The following RFX2 variants were observed in gnomAD, a reference collection of about 807,000 sequenced individuals.
RFX2 encodes the protein regulatory factor X2.
Under a neutral mutation model 87.8 loss-of-function variants are expected in RFX2, and 20 were observed. That is an observed-to-expected ratio of 0.23 (90% CI 0.16 to 0.33). RFX2 has a LOEUF of 0.33. Among genes scored for constraint, RFX2 ranks in the 10% least tolerant of loss-of-function variants. The pLI, the probability that RFX2 is intolerant of heterozygous loss-of-function variation, is 1.00. For missense variants in RFX2, 767 were observed against 1,012.3 expected, an observed-to-expected ratio of 0.76 and a Z score of 3.29; for synonymous variants, 397 against 431.3, an observed-to-expected ratio of 0.92 and a Z score of 0.98.
chr19:5,995,707 G>C, intron 16 of RFX2, 64 bp from the exon 17 acceptor site: 2 of 1,427,198 alleles, frequency 1.4e-6, no homozygotes, highest in Non-Finnish European at 1.9e-6. Flanking sequence ...TTGGGGGCTC[G>C]GGGGATGCCG....
rs2087481233 is a variant in RFX2, at chr19:6,064,382, C to T, written c.-8-16878G>A. On this transcript the variant is annotated intron_variant, in intron 1 of 17. Transcript: ENST00000303657. The surrounding 1 kb of genome is among the most constrained non-coding windows in gnomAD (Gnocchi z 4.8). ...TCTGACCATGAGCAGGGCTGCAGTG[C>T]AGCTGCTGATGGTCAAGATGAAGAT... Among the ~76,000 whole-genome samples, 1 of 152,358 alleles carries T rather than the reference C, an allele frequency of 6.6e-6. No homozygotes were observed. The highest frequency in any genetic ancestry group is 1.5e-5 in the Non-Finnish European group (1 of 68,038).
chr19:6,108,288 T>A (rs770894476), intron 1 of RFX2, among the ~76,000 whole-genome samples: 7 of 152,164 alleles, frequency 4.6e-5, no homozygotes, highest in Non-Finnish European at 7.3e-5. Flanking sequence ...GTAGGTGAGT[T>A]GTCGTTTCTA....
At chr19:6,065,619 A>G (rs549973793) in intron 1 of RFX2, among the ~76,000 whole-genome samples, 3 of 152,200 alleles carry the variant, frequency 2.0e-5, no homozygotes, top group Non-Finnish European at 4.4e-5. Flanking sequence ...GTCTCCAAAA[A>G]AAACACAAAT....
In RFX2 at chr19:6,020,671, C is replaced by T. The variant is rs1367248794; in HGVS notation, c.598-4400G>A. ...AGGGTCCAGCCGCTCCAACCACACT[C>T]GCCCACCTCCCCTGCTCTTGAGGGC... On this transcript the variant is annotated intron_variant, in intron 6 of 17. Transcript: ENST00000303657. The surrounding 1 kb of genome is among the most constrained non-coding windows in gnomAD (Gnocchi z 5.3). Among the ~76,000 whole-genome samples, 2 of 152,256 alleles carry T rather than the reference C, an allele frequency of 1.3e-5. No homozygotes were observed. Among genetic ancestry groups the T allele is most frequent in the Non-Finnish European group, 1.5e-5 (1 of 68,046 alleles).
chr19:6,072,744 CA>C (rs892462578), intron 1 of RFX2: 13 of 524,068 alleles, frequency 2.5e-5, no homozygotes, highest in Non-Finnish European at 4.5e-5. Flanking sequence ...AAGGACATAA[CA>C]AAGAAAAAAG....
Position 6,024,774 on chromosome 19 carries a change from GGTGAGGACGGGA to G in RFX2, c.597+1377_597+1388del, listed in dbSNP as rs1435607265. 2.8e-5 allele frequency among the ~76,000 whole-genome samples: 4 copies of G among 141,906 alleles called. No homozygotes were observed. The highest frequency in any genetic ancestry group is 6.9e-5 in the Admixed American group (1 of 14,438). The allele number at this position is 141,906 out of a possible 152,430, so 93.1% of individuals were successfully genotyped here. A position where few individuals can be genotyped will look rare whatever the true frequency, so the allele number is the denominator to read the frequency against. On this transcript the variant is annotated intron_variant, in intron 6 of 17. Transcript: ENST00000303657. This position sits in a 1 kb window ranked among gnomAD's most constrained non-coding sequence, Gnocchi z 5.0. The stretch of plus-strand genomic sequence containing the variant: ...AGGACGGGAGTGAGGACGGGATCAC[GGTGAGGACGGGA>G]GTGAGGACGGGATCACGGTGAGGAC...
At chr19:6,035,990 CT>C (rs2087018163) in intron 5 of RFX2, among the ~76,000 whole-genome samples, 1 of 152,046 alleles carries the variant, frequency 6.6e-6, no homozygotes, top group Admixed American at 6.6e-5. Flanking sequence ...GGCCCAGGGT[CT>C]GAGCAGTATG....
Position 6,040,607 on chromosome 19 carries a change from G to T in RFX2, c.261-366C>A, listed in dbSNP as rs1277162246. Reference sequence around the variant, plus strand: ...AGAACCATCTCTACAAAAAATAAAAGATTTAGCCAGGTGTGGTGGTGCGTG... The same window carrying T: ...AGAACCATCTCTACAAAAAATAAAATATTTAGCCAGGTGTGGTGGTGCGTG... On this transcript the variant is annotated intron_variant, in intron 4 of 17. Coordinates refer to ENST00000303657, the MANE Select transcript of RFX2 (RefSeq NM_000635.4). The surrounding 1 kb of genome is among the most constrained non-coding windows in gnomAD (Gnocchi z 6.1). 1.3e-5 allele frequency among the ~76,000 whole-genome samples: 2 copies of T among 151,988 alleles called. No individual in the cohort carries two copies. Among genetic ancestry groups the T allele is most frequent in the African/African-American group, 4.8e-5 (2 of 41,390 alleles).
In RFX2 at chr19:6,011,095, G is replaced by A. The variant is rs577092623; in HGVS notation, c.900-844C>T. 7.2e-5 allele frequency among the ~76,000 whole-genome samples: 11 copies of A among 151,760 alleles called. No individual in the cohort carries two copies. The highest frequency in any genetic ancestry group is 2.4e-4 in the African/African-American group (10 of 41,216). ...CACGCCATTGCACTCCAGCCTGGGCGACAAAAGCGAAACTCGGTCTCAAAA... is the reference window on the plus strand; with the variant it reads ...CACGCCATTGCACTCCAGCCTGGGCAACAAAAGCGAAACTCGGTCTCAAAA... On this transcript the variant is annotated intron_variant, in intron 8 of 17. Transcript: ENST00000303657. This position sits in a 1 kb window ranked among gnomAD's most constrained non-coding sequence, Gnocchi z 4.8.
chr19:6,070,095 T>TGTGGATG, intron 1 of RFX2, among the ~76,000 whole-genome samples: 1 of 1,676 alleles, frequency 6.0e-4, no homozygotes, highest in African/African-American at 3.0e-3. Flanking sequence ...GGATGGGATG[T>TGTGGATG]GGATGGGATG....
rs888330188 is a variant in RFX2 at position 6,047,227 on chromosome 19, T to C, written c.90+180A>G. On this transcript the variant is annotated intron_variant, in intron 2 of 17. Coordinates refer to ENST00000303657, the MANE Select transcript of RFX2 (RefSeq NM_000635.4). This position sits in a 1 kb window ranked among gnomAD's most constrained non-coding sequence, Gnocchi z 4.2. ...CTTGATGGGATCTTTTTAACAAATA[T>C]TGAAAAAGCCAAATACAGTTAAGGA... is the stretch of plus-strand genomic sequence containing the variant. Among the ~76,000 whole-genome samples, 5 of 152,242 alleles carry C rather than the reference T, an allele frequency of 3.3e-5. No homozygotes were observed. Among genetic ancestry groups the C allele is most frequent in the East Asian group, 1.9e-4 (1 of 5,200 alleles).
chr19:6,007,955 T>C lies in RFX2; in HGVS notation c.1134+151A>G, dbSNP rs1413561562. ...AGAGGAGAGGAGCAGGCGATGGACA[T>C]GGATGCGGAGGGGCTGCTGCTTCAG... On this transcript the variant is annotated intron_variant, in intron 10 of 17. Coordinates refer to ENST00000303657, the MANE Select transcript of RFX2 (RefSeq NM_000635.4). The surrounding 1 kb of genome is among the most constrained non-coding windows in gnomAD (Gnocchi z 8.2). The C allele has an allele frequency of 1.3e-6, 1 of 783,544 alleles. No homozygotes were observed. The highest frequency in any genetic ancestry group is 2.7e-5 in the East Asian group (1 of 37,250). The allele number at this position is 783,544 out of a possible 1,614,324, so 48.5% of individuals were successfully genotyped here.
chr19:5,996,352 C>T (rs997032632), intron 16 of RFX2, among the ~76,000 whole-genome samples: 2 of 152,262 alleles, frequency 1.3e-5, no homozygotes, highest in Non-Finnish European at 2.9e-5. Flanking sequence ...CAGCACAGCG[C>T]GGCCAGCCAC....
rs1436352317 is a variant in RFX2, at chr19:6,030,429, A to G, written c.523-4192T>C. Among the ~76,000 whole-genome samples the G allele has an allele frequency of 2.6e-5, 4 of 152,378 alleles. No individual in the cohort carries two copies. The East Asian group carries it at 7.7e-4, about 29-fold the overall frequency. ...AAACAAAATGTGGTCCATCCATACA[A>G]TGGAATAATTTAGCCACACACAAAA... On this transcript the variant is annotated intron_variant, in intron 5 of 17. Coordinates refer to ENST00000303657, the MANE Select transcript of RFX2 (RefSeq NM_000635.4).
intron 1 of RFX2, among the ~76,000 whole-genome samples, chr19:6,104,680 T>C (rs73543057): frequency 0.099 from 15,001 of 152,128 alleles, 2,479 homozygotes; most frequent in African/African-American, 0.34. Flanking sequence ...TAGCTGAGAT[T>C]GCAGGTGTGA....
At chr19:6,068,627 G>A (rs968643696) in intron 1 of RFX2, among the ~76,000 whole-genome samples, 10 of 152,218 alleles carry the variant, frequency 6.6e-5, no homozygotes, top group East Asian at 3.8e-4. Flanking sequence ...GGGGAAGAGC[G>A]TTCCTAATGG....
At position 6,007,865 on chromosome 19, in the gene RFX2, C is replaced by T. The variant is rs902058304; in HGVS notation, c.1135-63G>A. The T allele has an allele frequency of 3.2e-5, 37 of 1,169,520 alleles. No individual in the cohort carries two copies. The Admixed American group carries it at 5.4e-4, about 17-fold the overall frequency. 72.4% of individuals were successfully genotyped at this position (1,169,520 alleles called of 1,614,324 possible). ...GCGCCCATCACGTGCACTCAGCACA[C>T]GTCAAGTGAGCAGCCGTGATCCGGG... On this transcript the variant is annotated intron_variant, in intron 10 of 17. Coordinates refer to ENST00000303657, the MANE Select transcript of RFX2 (RefSeq NM_000635.4). This position sits in a 1 kb window ranked among gnomAD's most constrained non-coding sequence, Gnocchi z 8.2.
chr19:6,009,283 G>A (rs1236140967), intron 9 of RFX2, among the ~76,000 whole-genome samples: 1 of 152,202 alleles, frequency 6.6e-6, no homozygotes, highest in Non-Finnish European at 1.5e-5. Context: ...CACTGAGTGT[G>A]TACAGAGCCC....
chr19:5,994,373 G>A lies in RFX2; in HGVS notation c.*462C>T, dbSNP rs1251777311. 6.5e-5 allele frequency: 10 copies of A among 154,392 alleles called. No homozygotes were observed. Among genetic ancestry groups the A allele is most frequent in the Non-Finnish European group, 1.0e-4 (7 of 69,370 alleles). 9.6% of individuals were successfully genotyped at this position (154,392 alleles called of 1,614,324 possible). Reference sequence around the variant, plus strand: ...CTGGCGAGCTCTGTGCCTCCCCAGCGGTGGCAGGTAGGAGGGGAGAGGCCG... The same window carrying A: ...CTGGCGAGCTCTGTGCCTCCCCAGCAGTGGCAGGTAGGAGGGGAGAGGCCG... On this transcript the variant is annotated 3_prime_UTR_variant, in exon 18 of 18. Transcript: ENST00000303657.
Sources: gnomAD v4.1 joint callset for allele counts (sites outside exome capture counted in the v4.1 genomes callset) on GRCh38, gnomAD v4.1.1 for gene constraint, Gnocchi (gnomAD v3.1) non-coding constraint, MANE v1.5 for transcripts, NCBI Gene and HGNC (gene_info 2026-07-23, HGNC 2026-07-21) for gene names.